GPI: variants seen among roughly 807,000 people sequenced by gnomAD.
GPI encodes glucose-6-phosphate isomerase, also known as D-hexose-6-phosphate anomerase.
In GPI, 56 loss-of-function variants were observed where a neutral mutation model predicts 75.8. The observed-to-expected ratio is 0.74, with a 90% confidence interval of 0.60 to 0.92. The LOEUF (loss-of-function observed/expected upper bound fraction) is 0.92. GPI is among the 40% of genes least tolerant of loss of function. The probability of loss-of-function intolerance (pLI) is 0.00; values close to 1 mark genes in which losing one functional copy is unlikely to be tolerated. For synonymous variants in GPI, 288 were observed against 285.4 expected, an observed-to-expected ratio of 1.01 and a Z score of -0.09; for missense variants, 638 against 741.0, an observed-to-expected ratio of 0.86 and a Z score of 1.61.
intron 9 of GPI, among the ~76,000 whole-genome samples, chr19:34,390,505 G>A (rs2074805797): frequency 6.6e-6 from 1 of 151,930 alleles, no homozygotes; most frequent in South Asian, 2.1e-4. Flanking sequence ...GGTGGGCTAA[G>A]TACAGGTATG....
At chr19:34,378,012 GGTCAGTACAGCTGCCCTA>G in intron 6 of GPI, 131 bp downstream of exon 6, 1 of 882,878 alleles carries the variant, frequency 1.1e-6, no homozygotes, top group Non-Finnish European at 1.9e-6. Flanking sequence ...TTGTGGATCA[GGTCAGTACAGCTGCCCTA>G]GACTGTTTCC....
At chr19:34,365,885 C>T (rs771724004) in intron 1 of GPI, 3 of 471,646 alleles carry the variant, frequency 6.4e-6, no homozygotes, top group African/African-American at 2.0e-5. Flanking sequence ...CACCTGTGCA[C>T]GACCGGGAAG....
intron 3 of GPI, among the ~76,000 whole-genome samples, chr19:34,367,918 G>A (rs890229242): frequency 3.3e-5 from 5 of 152,258 alleles, no homozygotes; most frequent in East Asian, 1.9e-4. Flanking sequence ...TTCGGAAAGC[G>A]TTTATTTATT....
intron 7 of GPI, among the ~76,000 whole-genome samples, chr19:34,379,255 C>A (rs980635095): frequency 2.6e-5 from 4 of 152,212 alleles, no homozygotes; most frequent in Non-Finnish European, 5.9e-5. Context: ...AGGCCCTTGG[C>A]GCTGCAGGAA....
At position 34,396,449 on chromosome 19, in the gene GPI, G is replaced by A; in HGVS notation, c.1192+19G>A. 2.5e-6 allele frequency: 4 copies of A among 1,613,992 alleles called. No homozygotes were observed. Among genetic ancestry groups the A allele is most frequent in the South Asian group, 1.1e-5 (1 of 91,088 alleles). ...CACCAAGGTAGGCCCCTGTGGCCTG[G>A]GAAGGGTGATGTTGGGGGAGGGAAA... On this transcript the variant is annotated intron_variant, in intron 13 of 17. Coordinates refer to ENST00000356487, the MANE Select transcript of GPI (RefSeq NM_000175.5).
chr19:34,399,850 A>C, intron 17 of GPI, 51 bp from the exon 18 acceptor site: 1 of 1,613,616 alleles, frequency 6.2e-7, no homozygotes, highest in South Asian at 1.1e-5. Flanking sequence ...TTCAGTAGCA[A>C]CGTTAGAGCC....
At chr19:34,366,952 C>T (rs750230901) in intron 3 of GPI, 101 bp downstream of exon 3, 4 of 936,186 alleles carry the variant, frequency 4.3e-6, no homozygotes, top group South Asian at 1.3e-5. Flanking sequence ...TTCTCTTGGG[C>T]AATGCTTTTG....
In GPI at chr19:34,399,900, G is replaced by A; in HGVS notation, c.1542-1G>A. The stretch of plus-strand genomic sequence containing the variant: ...CTTCCCTTCCCTTCCCTTCTTGGCA[G>A]AGTGGAGCTGGGAAAGCAGCTGGCT... On this transcript the variant is annotated splice_acceptor_variant, in intron 17 of 17. Coordinates refer to ENST00000356487, the MANE Select transcript of GPI (RefSeq NM_000175.5). LOFTEE classifies it high-confidence loss of function. 6.2e-7 allele frequency: 1 copy of A among 1,614,108 alleles called. No homozygotes were observed. Among genetic ancestry groups the A allele is most frequent in the South Asian group, 1.1e-5 (1 of 91,076 alleles).
Position 34,378,463 on chromosome 19 carries a change from C to A in GPI, c.634-471C>A, listed in dbSNP as rs912381781. ...CTCCTGACCTCAGGTGATGCACCCC[C>A]CCTTGGCCTCCCAAAGTGCTGGGAT... On this transcript the variant is annotated intron_variant, in intron 6 of 17. Transcript: ENST00000356487. 6.6e-5 allele frequency among the ~76,000 whole-genome samples: 10 copies of A among 152,100 alleles called. No homozygotes were observed. In the South Asian group the frequency reaches 1.7e-3, roughly 25 times the overall value.
rs761251955 is a variant in GPI, at chr19:34,402,270, C to G, written c.*2234C>G. The G allele has an allele frequency of 6.6e-6, 1 of 152,182 alleles. No homozygotes were observed. Among genetic ancestry groups the G allele is most frequent in the Non-Finnish European group, 1.5e-5 (1 of 68,040 alleles). The allele number at this position is 152,182 out of a possible 1,614,324, so 9.4% of individuals were successfully genotyped here. A position where few individuals can be genotyped will look rare whatever the true frequency, so the allele number is the denominator to read the frequency against. On this transcript the variant is annotated 3_prime_UTR_variant, in exon 18 of 18. Transcript: ENST00000356487. Reference sequence around the variant, plus strand: ...GCCTCTGACTGGTGGCAGGCCAAGTCTTTATTTACATAGGGTGTAACCAAA... The same window carrying G: ...GCCTCTGACTGGTGGCAGGCCAAGTGTTTATTTACATAGGGTGTAACCAAA...
chr19:34,388,535 G>A (rs1285325262), intron 9 of GPI, among the ~76,000 whole-genome samples: 1 of 152,114 alleles, frequency 6.6e-6, no homozygotes, highest in East Asian at 1.9e-4. Flanking sequence ...GATAAGGTGA[G>A]ATCTGGGGCA....
At chr19:34,371,432 A>G (rs1044259861) in intron 4 of GPI, among the ~76,000 whole-genome samples, 14 of 152,154 alleles carry the variant, frequency 9.2e-5, no homozygotes, top group African/African-American at 2.4e-4. Context: ...TTAGGGAGCT[A>G]TAGTTGGATT....
At chr19:34,370,454 C>T (rs1041932446) in intron 4 of GPI, among the ~76,000 whole-genome samples, 7 of 152,162 alleles carry the variant, frequency 4.6e-5, no homozygotes, top group Non-Finnish European at 1.0e-4. Flanking sequence ...TGCAGTGGCT[C>T]ACGCCTGTAA....
intron 9 of GPI, among the ~76,000 whole-genome samples, chr19:34,383,576 A>G (rs893301309): frequency 7.9e-5 from 12 of 152,182 alleles, no homozygotes; most frequent in African/African-American, 2.9e-4. Context: ...TGTGATGGGC[A>G]GAGCTCAGGG....
In GPI at chr19:34,400,406, A is replaced by G; in HGVS notation, c.*370A>G. On this transcript the variant is annotated 3_prime_UTR_variant, in exon 18 of 18. Transcript: ENST00000356487. ...GCAGAGGGCAGGAGCGCTCAGCAGGACGCAGGCTGTGCCTCTGCGGACACT... is the reference window on the plus strand; with the variant it reads ...GCAGAGGGCAGGAGCGCTCAGCAGGGCGCAGGCTGTGCCTCTGCGGACACT... 1.7e-6 allele frequency: 1 copy of G among 594,056 alleles called. No homozygotes were observed. The allele number at this position is 594,056 out of a possible 1,614,324, so 36.8% of individuals were successfully genotyped here.
rs1568324502 is a variant in GPI at position 34,366,417 on chromosome 19, G to A, written c.195G>A (p.Met65Ile). ...YSKNLVTEDV[M>I]RMLVDLAKSR... ...AGAACCTGGTGACGGAGGACGTGATGCGGATGCTGGTGGACTTGGTAATGT... is the reference window on the plus strand; with the variant it reads ...AGAACCTGGTGACGGAGGACGTGATACGGATGCTGGTGGACTTGGTAATGT... Residue 65 changes from methionine to isoleucine, a missense_variant, in exon 2 of 18, where the codon ATG becomes ATA. By Grantham distance (10) the Met-to-Ile change is conservative (BLOSUM62 1). Transcript: ENST00000356487. The A allele has an allele frequency of 6.2e-7, 1 of 1,611,944 alleles. No individual in the cohort carries two copies. The highest frequency in any genetic ancestry group is 8.5e-7 in the Non-Finnish European group (1 of 1,177,948).
At chr19:34,367,158 T>C (rs774393483) in intron 3 of GPI, 12 of 485,346 alleles carry the variant, frequency 2.5e-5, no homozygotes, top group South Asian at 2.2e-4. Flanking sequence ...ATATCCTCAA[T>C]GCAAGTTTTA....
chr19:34,396,528 T>G, intron 13 of GPI, 53 bp from the exon 14 acceptor site: 2 of 1,611,214 alleles, frequency 1.2e-6, no homozygotes, highest in Non-Finnish European at 1.7e-6. Context: ...CTAGGCCATA[T>G]GGCTAGCTCC....
At chr19:34,371,811 C>T (rs181863496) in intron 4 of GPI, among the ~76,000 whole-genome samples, 174 of 150,394 alleles carry the variant, frequency 1.2e-3, no homozygotes, top group East Asian at 1.0e-3. Flanking sequence ...GCCAAGATCA[C>T]GCCACTGCAC....
Sources: allele counts gnomAD v4.1 joint callset (sites outside exome capture counted in the v4.1 genomes callset), GRCh38; gene constraint gnomAD v4.1.1; transcripts MANE v1.5; gene names NCBI Gene and HGNC (gene_info 2026-07-23, HGNC 2026-07-21).